Variants in EDC3 observed in about 807,000 individuals in gnomAD.
The protein encoded by EDC3 is enhancer of mRNA-decapping protein 3.
EDC3 carries 20 observed loss-of-function variants against 41.8 expected under a neutral mutation model. That is an observed-to-expected ratio of 0.48 (90% CI 0.34 to 0.70). The LOEUF (loss-of-function observed/expected upper bound fraction) is 0.70, where lower values mean the gene tolerates loss of function less well. Among genes scored for constraint, EDC3 ranks in the 30% least tolerant of loss-of-function variants. EDC3 has a pLI of 0.01. For synonymous variants in EDC3, 206 were observed against 243.2 expected, an observed-to-expected ratio of 0.85 and a Z score of 1.42; for missense variants, 444 against 636.8, an observed-to-expected ratio of 0.70 and a Z score of 3.26.
intron 4 of EDC3, chr15:74,643,510 T>C (rs1473624385): frequency 6.6e-6 from 1 of 152,210 alleles, no homozygotes; most frequent in African/African-American, 2.4e-5. Flanking sequence ...GCACACCTGA[T>C]TTCCACTGCA....
intron 3 of EDC3, among the ~76,000 whole-genome samples, chr15:74,658,862 C>A (rs2062585623): frequency 6.6e-6 from 1 of 152,064 alleles, no homozygotes; most frequent in Admixed American, 6.5e-5. Context: ...ATTGCTTGAA[C>A]CCAGGAGGCG....
At chr15:74,661,742 A>G (rs1205884203) in intron 3 of EDC3, among the ~76,000 whole-genome samples, 2 of 144,102 alleles carry the variant, frequency 1.4e-5, no homozygotes, top group Non-Finnish European at 3.0e-5. Context: ...AAAAAAAAAA[A>G]AGAAAAAGAA....
In EDC3 at chr15:74,675,160, T is replaced by C. The variant is rs2062788404; in HGVS notation, c.-18-18A>G. The stretch of plus-strand genomic sequence containing the variant: ...TGAGACCACTGTGAAGAGAAGGAAC[T>C]ATTCAGTGTGCCTTGGTGAAAAGAC... On this transcript the variant is annotated intron_variant, in intron 1 of 6. Transcript: ENST00000315127. The C allele has an allele frequency of 6.2e-7, 1 of 1,605,920 alleles. No individual in the cohort carries two copies. The highest frequency in any genetic ancestry group is 1.3e-5 in the African/African-American group (1 of 75,002).
At chr15:74,643,644 G>C (rs568697322) in intron 4 of EDC3, 4 of 152,352 alleles carry the variant, frequency 2.6e-5, no homozygotes, top group African/African-American at 9.6e-5. Flanking sequence ...CAGCATTTCA[G>C]GCCTTTCCCT....
chr15:74,640,455 TA>T lies in EDC3; in HGVS notation c.974+10del. On this transcript the variant is annotated intron_variant, in intron 5 of 6. Coordinates refer to ENST00000315127, the MANE Select transcript of EDC3 (RefSeq NM_025083.5). ...TCCACATTGAGTCCCTGCCAGTTTA[TA>T]GACATTTACCTGTTAGGTCCTCCGA... The T allele has an allele frequency of 6.2e-7, 1 of 1,613,504 alleles. No homozygotes were observed. Among genetic ancestry groups the T allele is most frequent in the Non-Finnish European group, 8.5e-7 (1 of 1,179,862 alleles).
Position 74,671,346 on chromosome 15 carries a change from C to T in EDC3, c.484+109G>A. 8.2e-7 allele frequency: 1 copy of T among 1,217,844 alleles called. No individual in the cohort carries two copies. Among genetic ancestry groups the T allele is most frequent in the East Asian group, 2.3e-5 (1 of 42,696 alleles). 75.4% of individuals were successfully genotyped at this position (1,217,844 alleles called of 1,614,324 possible). A position where few individuals can be genotyped will look rare whatever the true frequency, so the allele number is the denominator to read the frequency against. On this transcript the variant is annotated intron_variant, in intron 3 of 6. Transcript: ENST00000315127. This position sits in a 1 kb window ranked among gnomAD's most constrained non-coding sequence, Gnocchi z 4.6. ...TTGTATTTCTGTGACGCTCAGCCAG[C>T]ATCCATTTTATTGGAATAACAAAGG... is the stretch of plus-strand genomic sequence containing the variant.
At chr15:74,654,352 T>G (rs778033215) in intron 4 of EDC3, among the ~76,000 whole-genome samples, 1 of 151,666 alleles carries the variant, frequency 6.6e-6, no homozygotes, top group Non-Finnish European at 1.5e-5. Flanking sequence ...ACTACAGATA[T>G]AGAGAGCTAG....
At chr15:74,692,380 C>T (rs1267209906) in intron 1 of EDC3, among the ~76,000 whole-genome samples, 1 of 152,014 alleles carries the variant, frequency 6.6e-6, no homozygotes, top group Non-Finnish European at 1.5e-5. Context: ...TAAAATCTTC[C>T]CAGAGAGAAA....
intron 3 of EDC3, among the ~76,000 whole-genome samples, chr15:74,668,103 T>C (rs1264195893): frequency 3.3e-5 from 5 of 152,214 alleles, no homozygotes; most frequent in Admixed American, 2.6e-4. Flanking sequence ...AGTCTAATCA[T>C]GATTTAAACA....
chr15:74,659,104 C>T (rs1448043139), intron 3 of EDC3, among the ~76,000 whole-genome samples: 2 of 152,156 alleles, frequency 1.3e-5, no homozygotes, highest in Admixed American at 1.3e-4. Flanking sequence ...TGTGAGAGCA[C>T]ACTTATGCCA....
intron 4 of EDC3, among the ~76,000 whole-genome samples, chr15:74,647,447 G>A (rs1415195678): frequency 1.3e-5 from 2 of 152,200 alleles, no homozygotes; most frequent in Non-Finnish European, 2.9e-5. Flanking sequence ...CAGGTGTCAG[G>A]CTTTAATGCA....
chr15:74,677,831 C>T (rs985983617), intron 1 of EDC3, among the ~76,000 whole-genome samples: 2 of 152,020 alleles, frequency 1.3e-5, no homozygotes, highest in South Asian at 2.1e-4. Context: ...TGCTCAAATT[C>T]GGAAGCAATC....
chr15:74,636,683 A>G (rs2062277447), intron 5 of EDC3: 2 of 152,276 alleles, frequency 1.3e-5, no homozygotes, highest in Non-Finnish European at 1.5e-5. Context: ...GATGTTGTCA[A>G]GCTAAGAGGA....
chr15:74,673,643 T>C (rs550049632), intron 2 of EDC3, among the ~76,000 whole-genome samples: 1 of 152,028 alleles, frequency 6.6e-6, no homozygotes, highest in Non-Finnish European at 1.5e-5. Flanking sequence ...GAGACCATCC[T>C]GGCTAACACG....
At chr15:74,695,131 T>C (rs774339197) in intron 1 of EDC3, among the ~76,000 whole-genome samples, 8 of 152,134 alleles carry the variant, frequency 5.3e-5, no homozygotes, top group Non-Finnish European at 1.0e-4. Flanking sequence ...GGGTCGCGAG[T>C]TCCTCACCTG....
intron 1 of EDC3, among the ~76,000 whole-genome samples, chr15:74,681,874 A>G (rs916074663): frequency 1.3e-5 from 2 of 152,352 alleles, no homozygotes; most frequent in East Asian, 3.9e-4. Flanking sequence ...CCAAAAGCAC[A>G]ATCCATAAAA....
At chr15:74,656,568 C>A (rs527370929) in intron 3 of EDC3, among the ~76,000 whole-genome samples, 18 of 152,328 alleles carry the variant, frequency 1.2e-4, no homozygotes, top group African/African-American at 3.8e-4. Context: ...TGACAACTTA[C>A]TATTAGCAAA....
chr15:74,661,332 C>T (rs2062617466), intron 3 of EDC3, among the ~76,000 whole-genome samples: 1 of 152,160 alleles, frequency 6.6e-6, no homozygotes. Flanking sequence ...TATGAATTAA[C>T]TTCACCCTAA....
intron 4 of EDC3, among the ~76,000 whole-genome samples, chr15:74,651,383 G>T (rs1347540659): frequency 6.6e-6 from 1 of 152,184 alleles, no homozygotes; most frequent in Non-Finnish European, 1.5e-5. Context: ...GTTAAACAAA[G>T]AGCTAAATTT....
Sources: allele counts gnomAD v4.1 joint callset (sites outside exome capture counted in the v4.1 genomes callset), GRCh38; gene constraint gnomAD v4.1.1; non-coding constraint Gnocchi (gnomAD v3.1); transcripts MANE v1.5; gene names NCBI Gene and HGNC (gene_info 2026-07-23, HGNC 2026-07-21).